Variants in ZNF407 observed in about 807,000 individuals in gnomAD.
ZNF407 encodes the protein zinc finger protein 407.
In ZNF407, 17 loss-of-function variants were observed where a neutral mutation model predicts 131.2. The ratio of observed to expected loss-of-function variants is 0.13; its 90% CI spans 0.09 to 0.19. The LOEUF is 0.19. Among genes scored for constraint, ZNF407 ranks in the 10% least tolerant of loss-of-function variants. The pLI, the probability that ZNF407 is intolerant of heterozygous loss-of-function variation, is 1.00. For synonymous variants in ZNF407, 1,156 were observed against 1,062.0 expected, an observed-to-expected ratio of 1.09 and a Z score of -1.72; for missense variants, 2,681 against 2,830.6, an observed-to-expected ratio of 0.95 and a Z score of 1.20.
At chr18:74,794,728 C>CT (rs1969888025) in intron 4 of ZNF407, among the ~76,000 whole-genome samples, 1 of 152,036 alleles carries the variant, frequency 6.6e-6, no homozygotes, top group Non-Finnish European at 1.5e-5. Flanking sequence ...ATAACTTCAC[C>CT]TTTTTTGGTA....
At chr18:74,710,723 G>A (rs1295482031) in intron 3 of ZNF407, among the ~76,000 whole-genome samples, 2 of 152,202 alleles carry the variant, frequency 1.3e-5, no homozygotes, top group African/African-American at 4.8e-5. Flanking sequence ...AAAACTAGCA[G>A]TAAAGGGCTG....
At chr18:74,624,189 G>A (rs979219274) in intron 1 of ZNF407, among the ~76,000 whole-genome samples, 2 of 152,070 alleles carry the variant, frequency 1.3e-5, no homozygotes, top group African/African-American at 4.8e-5. Context: ...AGAGCCAGAG[G>A]GGCTTTCTGG....
chr18:75,045,333 G>A (rs542474689), intron 8 of ZNF407, among the ~76,000 whole-genome samples: 11 of 152,130 alleles, frequency 7.2e-5, no homozygotes, highest in Non-Finnish European at 1.6e-4. Context: ...AATTTGCACT[G>A]TTTACATAAG....
intron 8 of ZNF407, among the ~76,000 whole-genome samples, chr18:74,944,631 C>G (rs1972135002): frequency 6.6e-6 from 1 of 152,196 alleles, no homozygotes; most frequent in African/African-American, 2.4e-5. Context: ...AAAAATTCAT[C>G]CTTGCTTTGC....
chr18:74,736,095 A>G (rs976013182), intron 3 of ZNF407, among the ~76,000 whole-genome samples: 4 of 152,234 alleles, frequency 2.6e-5, no homozygotes, highest in African/African-American at 9.6e-5. Flanking sequence ...GTGTTTTATG[A>G]CTTCGGGTGA....
chr18:75,063,764 G>A lies in ZNF407; in HGVS notation c.6043G>A (p.Gly2015Ser), dbSNP rs748221235. ...RAGLEEQGRPGAKDVLIQLPG... is the reference protein window; with the variant it reads ...RAGLEEQGRPSAKDVLIQLPG... Reference sequence around the variant, plus strand: ...TGGGCTCGAGGAGCAAGGCAGGCCCGGCGCCAAAGACGTGCTGATCCAGCT... The same window carrying A: ...TGGGCTCGAGGAGCAAGGCAGGCCCAGCGCCAAAGACGTGCTGATCCAGCT... The change falls in exon 9 of 9, where the codon GGC becomes AGC. Residue 2015 changes from glycine to serine, a missense_variant. By Grantham distance (56) the Gly-to-Ser change is moderately conservative. This residue lies in a region of ZNF407 where 620 missense variants were observed against 583.1 expected (regional missense o/e 1.06). Coordinates refer to ENST00000299687, the MANE Select transcript of ZNF407 (RefSeq NM_017757.3). The surrounding 1 kb of genome is among the most constrained non-coding windows in gnomAD (Gnocchi z 6.6). 59 of 1,611,010 alleles carry A rather than the reference G, an allele frequency of 3.7e-5. No homozygotes were observed. The highest frequency in any genetic ancestry group is 6.7e-5 in the East Asian group (3 of 44,862).
At chr18:74,652,912 A>C (rs1191616606) in intron 3 of ZNF407, among the ~76,000 whole-genome samples, 1 of 152,062 alleles carries the variant, frequency 6.6e-6, no homozygotes, top group African/African-American at 2.4e-5. Flanking sequence ...CAAATCAGTC[A>C]TATAAGCTAT....
intron 3 of ZNF407, among the ~76,000 whole-genome samples, chr18:74,704,973 A>G (rs904736108): frequency 2.0e-5 from 3 of 152,180 alleles, no homozygotes; most frequent in African/African-American, 7.2e-5. Context: ...CATAGACCCC[A>G]GTATTAGGAT....
At position 74,893,041 on chromosome 18, in the gene ZNF407, A is replaced by T. The variant is rs187955877; in HGVS notation, c.5249+3003A>T. On this transcript the variant is annotated intron_variant, in intron 7 of 8. Transcript: ENST00000299687. Reference sequence around the variant, plus strand: ...AGTATTTCAGGTTTTCTTGGTTTGAAAATGTATTATACGTTTTACTAAGGT... The same window carrying T: ...AGTATTTCAGGTTTTCTTGGTTTGATAATGTATTATACGTTTTACTAAGGT... Among the ~76,000 whole-genome samples, 61 of 152,276 alleles carry T rather than the reference A, an allele frequency of 4.0e-4. 1 individual carries two copies. In the East Asian group the frequency reaches 0.011, roughly 27 times the overall value.
intron 1 of ZNF407, among the ~76,000 whole-genome samples, chr18:74,618,927 A>G (rs1983417437): frequency 6.6e-6 from 1 of 152,206 alleles, no homozygotes; most frequent in African/African-American, 2.4e-5. Flanking sequence ...TTTATATCAT[A>G]TGTTAGCTTA....
chr18:74,966,472 G>A (rs116781402), intron 8 of ZNF407, among the ~76,000 whole-genome samples: 2,507 of 152,212 alleles, frequency 0.016, 71 homozygotes, highest in African/African-American at 0.056. Context: ...TGGGTTCACC[G>A]TAGGTATGTG....
intron 4 of ZNF407, among the ~76,000 whole-genome samples, chr18:74,813,437 C>T (rs1048145074): frequency 4.7e-5 from 7 of 150,346 alleles, no homozygotes; most frequent in African/African-American, 1.3e-4. Flanking sequence ...TGCCGTGAGG[C>T]CACAGAACAC....
intron 3 of ZNF407, among the ~76,000 whole-genome samples, chr18:74,762,152 G>T (rs994931462): frequency 6.6e-6 from 1 of 151,502 alleles, no homozygotes; most frequent in Non-Finnish European, 1.5e-5. Flanking sequence ...TTATCCTTTC[G>T]TAGTACCATA....
At chr18:74,920,055 C>A (rs759693039) in intron 7 of ZNF407, among the ~76,000 whole-genome samples, 11 of 152,202 alleles carry the variant, frequency 7.2e-5, no homozygotes, top group Non-Finnish European at 1.5e-4. Context: ...TCCATCTTCA[C>A]ATTATTTTAG....
At chr18:75,022,837 C>A (rs1341129463) in intron 8 of ZNF407, among the ~76,000 whole-genome samples, 1 of 152,052 alleles carries the variant, frequency 6.6e-6, no homozygotes, top group Non-Finnish European at 1.5e-5. Context: ...TAAATGTATA[C>A]CCCAAAGAAT....
rs190400339 is a variant in ZNF407, at chr18:74,831,835, G to A, written c.4878-45362G>A. Among the ~76,000 whole-genome samples, 352 of 152,230 alleles carry A rather than the reference G, an allele frequency of 2.3e-3. 7 individuals carry two copies. Among genetic ancestry groups the A allele is most frequent in the Non-Finnish European group, 3.3e-3 (226 of 68,016 alleles). ...ACTCCCACCCCTGCTGTGTGTCACCGTGTGTGGAGGGGCCTCCCTGTGCTC... is the reference window on the plus strand; with the variant it reads ...ACTCCCACCCCTGCTGTGTGTCACCATGTGTGGAGGGGCCTCCCTGTGCTC... On this transcript the variant is annotated intron_variant, in intron 4 of 8. Coordinates refer to ENST00000299687, the MANE Select transcript of ZNF407 (RefSeq NM_017757.3).
At chr18:74,840,885 T>C (rs1970622604) in intron 4 of ZNF407, among the ~76,000 whole-genome samples, 1 of 152,232 alleles carries the variant, frequency 6.6e-6, no homozygotes. Context: ...CCCAACTAAC[T>C]CCGTCTTCCC....
chr18:74,768,088 T>G (rs1024434511), intron 3 of ZNF407, among the ~76,000 whole-genome samples: 3 of 152,196 alleles, frequency 2.0e-5, no homozygotes, highest in Non-Finnish European at 4.4e-5. Context: ...TATACCTATT[T>G]GCCAAATAGT....
intron 7 of ZNF407, 102 bp downstream of exon 7, chr18:74,890,140 G>GCCTC (rs1161353775): frequency 2.3e-6 from 3 of 1,279,192 alleles, no homozygotes; most frequent in Non-Finnish European, 3.0e-6. Flanking sequence ...ATCACCATGA[G>GCCTC]TTCATATATT....
Sources: gnomAD v4.1 joint callset for allele counts (sites outside exome capture counted in the v4.1 genomes callset) on GRCh38, gnomAD v4.1.1 for gene constraint, gnomAD v4.1.1 regional missense constraint, Gnocchi (gnomAD v3.1) non-coding constraint, MANE v1.5 for transcripts, NCBI Gene and HGNC (gene_info 2026-07-23, HGNC 2026-07-21) for gene names.